Variants in OPCML observed in about 807,000 individuals in gnomAD.
The protein encoded by OPCML is opioid binding protein/cell adhesion molecule like.
A neutral mutation model predicts 37.8 loss-of-function variants in OPCML; 13 were observed. That is an observed-to-expected ratio of 0.34 (90% CI 0.22 to 0.55). The LOEUF is 0.55. OPCML is among the 20% of genes least tolerant of loss of function. The pLI is 0.91. For missense variants in OPCML, 341 were observed against 435.6 expected, an observed-to-expected ratio of 0.78 and a Z score of 1.93; for synonymous variants, 176 against 168.8, an observed-to-expected ratio of 1.04 and a Z score of -0.33.
At chr11:133,396,525 A>AT (rs1945289927) in intron 1 of OPCML, among the ~76,000 whole-genome samples, 1 of 152,110 alleles carries the variant, frequency 6.6e-6, no homozygotes, top group Non-Finnish European at 1.5e-5. Context: ...TCTTAGGATT[A>AT]TTTACCCCAA....
intron 2 of OPCML, among the ~76,000 whole-genome samples, chr11:132,922,955 T>C (rs746432859): frequency 2.0e-5 from 3 of 151,912 alleles, no homozygotes; most frequent in Non-Finnish European, 4.4e-5. Context: ...TGGTGGTGCA[T>C]GCCAGCTCCT....
At chr11:132,625,144 C>T (rs1265872922) in intron 3 of OPCML, among the ~76,000 whole-genome samples, 1 of 152,146 alleles carries the variant, frequency 6.6e-6, no homozygotes, top group Non-Finnish European at 1.5e-5. Flanking sequence ...CCTGTCACTT[C>T]TTACCTGGAT....
chr11:133,271,146 C>T (rs1358757351), intron 1 of OPCML, among the ~76,000 whole-genome samples: 8 of 152,138 alleles, frequency 5.3e-5, no homozygotes, highest in Admixed American at 5.2e-4. Context: ...ACCCTTTGTG[C>T]GTCTAAATTC....
At chr11:132,718,188 G>A (rs1367560422) in intron 2 of OPCML, among the ~76,000 whole-genome samples, 2 of 152,078 alleles carry the variant, frequency 1.3e-5, no homozygotes, top group African/African-American at 2.4e-5. Flanking sequence ...GTCTTGGTGC[G>A]CTGTCTCTGT....
At chr11:133,273,523 T>G (rs1941909775) in intron 1 of OPCML, among the ~76,000 whole-genome samples, 1 of 152,218 alleles carries the variant, frequency 6.6e-6, no homozygotes, top group Non-Finnish European at 1.5e-5. Flanking sequence ...GCCCATTATG[T>G]TCTTTCTCTC....
At chr11:133,351,765 TCA>T (rs145511527) in intron 1 of OPCML, among the ~76,000 whole-genome samples, 4 of 150,966 alleles carry the variant, frequency 2.6e-5, no homozygotes, top group East Asian at 2.0e-4. Context: ...TTCTCATACT[TCA>T]CACACACACA....
At chr11:133,140,727 C>CG (rs5795824) in intron 1 of OPCML, among the ~76,000 whole-genome samples, 4,109 of 108,184 alleles carry the variant, frequency 0.038, 212 homozygotes, top group African/African-American at 0.085. Flanking sequence ...AGACGGAAGA[C>CG]GACGACGACG....
At chr11:132,492,903 C>G (rs1416546466) in intron 4 of OPCML, among the ~76,000 whole-genome samples, 1 of 152,106 alleles carries the variant, frequency 6.6e-6, no homozygotes, top group African/African-American at 2.4e-5. Flanking sequence ...TAGCACCTGA[C>G]AGGTACATTA....
intron 1 of OPCML, among the ~76,000 whole-genome samples, chr11:133,140,531 T>TAATAAGAAGAAGAAG (rs1272061685): frequency 0.014 from 1,229 of 88,038 alleles, 9 homozygotes; most frequent in Non-Finnish European, 0.017. Context: ...ATAATAATAA[T>TAATAAGAAGAAGAAG]AAGAAGAAGA....
At chr11:133,274,281 T>A (rs1327963859) in intron 1 of OPCML, among the ~76,000 whole-genome samples, 1 of 151,920 alleles carries the variant, frequency 6.6e-6, no homozygotes, top group Admixed American at 6.5e-5. Context: ...GGCTATAGAG[T>A]CTTGGCAGAT....
intron 3 of OPCML, among the ~76,000 whole-genome samples, chr11:132,561,405 G>A (rs577882419): frequency 6.6e-6 from 1 of 152,112 alleles, no homozygotes; most frequent in Non-Finnish European, 1.5e-5. Context: ...TTTCCAGTTG[G>A]CCCCTGCCTG....
chr11:132,542,091 T>C (rs2096358025), intron 3 of OPCML, among the ~76,000 whole-genome samples: 1 of 152,168 alleles, frequency 6.6e-6, no homozygotes, highest in South Asian at 2.1e-4. Context: ...GTGCGGAGTG[T>C]GAGCAGGGAC....
In OPCML at chr11:132,720,111, G is replaced by A. The variant is rs138493473; in HGVS notation, c.147-62792C>T. Among the ~76,000 whole-genome samples the A allele has an allele frequency of 5.9e-3, 905 of 152,328 alleles. 9 individuals carry two copies. Among genetic ancestry groups the A allele is most frequent in the African/African-American group, 0.02 (844 of 41,576 alleles). ...AATATCTCATAACAAATAAATGAAT[G>A]AGCCCTTTGGATTTTACATCAATCT... On this transcript the variant is annotated intron_variant, in intron 2 of 7. Coordinates refer to ENST00000524381, the MANE Select transcript of OPCML (RefSeq NM_001012393.5).
chr11:132,507,941 G>A (rs1485863457), intron 4 of OPCML, among the ~76,000 whole-genome samples: 1 of 152,014 alleles, frequency 6.6e-6, no homozygotes, highest in Non-Finnish European at 1.5e-5. Context: ...GACTATTTTT[G>A]TAACTTATCT....
At position 133,532,474 on chromosome 11, in the gene OPCML, G is replaced by A; in HGVS notation, c.-150C>T. The A allele has an allele frequency of 1.1e-6, 1 of 878,410 alleles. No individual in the cohort carries two copies. Among genetic ancestry groups the A allele is most frequent in the Non-Finnish European group, 1.8e-6 (1 of 553,644 alleles). The allele number at this position is 878,410 out of a possible 1,614,324, so 54.4% of individuals were successfully genotyped here. On this transcript the variant is annotated 5_prime_UTR_variant, in exon 1 of 8. Transcript: ENST00000524381. ...AGCAGAAGAGAGAGAGAGCGCGCGAGAGATGGGAGCAGGCAGGCAGCGTCT... is the reference window on the plus strand; with the variant it reads ...AGCAGAAGAGAGAGAGAGCGCGCGAAAGATGGGAGCAGGCAGGCAGCGTCT...
chr11:133,324,011 C>G (rs1943396006), intron 1 of OPCML, among the ~76,000 whole-genome samples: 1 of 152,172 alleles, frequency 6.6e-6, no homozygotes, highest in African/African-American at 2.4e-5. Context: ...TGGGAGAGAG[C>G]TTTGAACTGA....
intron 1 of OPCML, among the ~76,000 whole-genome samples, chr11:133,105,619 G>C (rs1206315307): frequency 6.6e-6 from 1 of 152,132 alleles, no homozygotes; most frequent in Non-Finnish European, 1.5e-5. Context: ...TGATTTGGTG[G>C]AAAAAGAAAA....
chr11:132,588,656 T>A (rs1403100136), intron 3 of OPCML, among the ~76,000 whole-genome samples: 1 of 152,144 alleles, frequency 6.6e-6, no homozygotes, highest in Admixed American at 6.5e-5. Flanking sequence ...AGTTTCTCTA[T>A]GGGAATGGCT....
intron 2 of OPCML, among the ~76,000 whole-genome samples, chr11:132,731,046 CAGG>C (rs934904894): frequency 6.6e-6 from 1 of 152,198 alleles, no homozygotes; most frequent in African/African-American, 2.4e-5. Flanking sequence ...CTGTGCAGTT[CAGG>C]AGAACTTTCT....
Sources: allele counts gnomAD v4.1 joint callset (sites outside exome capture counted in the v4.1 genomes callset), GRCh38; gene constraint gnomAD v4.1.1; transcripts MANE v1.5; gene names NCBI Gene and HGNC (gene_info 2026-07-23, HGNC 2026-07-21).